The following STPG2 variants were observed in gnomAD, a reference collection of about 807,000 sequenced individuals.
The protein encoded by STPG2 is sperm-tail PG-rich repeat-containing protein 2.
A neutral mutation model predicts 54.2 loss-of-function variants in STPG2; 56 were observed. The ratio of observed to expected loss-of-function variants is 1.03; its 90% confidence interval spans 0.83 to 1.29. The LOEUF (loss-of-function observed/expected upper bound fraction) is 1.29, where lower values mean the gene tolerates loss of function less well. Among genes scored for constraint, STPG2 ranks in the 50% most tolerant of loss-of-function variants. The probability of loss-of-function intolerance (pLI) is 0.00; values close to 1 mark genes in which losing one functional copy is unlikely to be tolerated. For synonymous variants in STPG2, 200 were observed against 181.8 expected, an observed-to-expected ratio of 1.10 and a Z score of -0.81; for missense variants, 596 against 544.9, an observed-to-expected ratio of 1.09 and a Z score of -0.93.
intron 8 of STPG2, among the ~76,000 whole-genome samples, chr4:97,899,005 C>G (rs1393440384): frequency 3.3e-5 from 5 of 151,416 alleles, no homozygotes; most frequent in Non-Finnish European, 7.4e-5. Flanking sequence ...AAAGGGCATC[C>G]AAAAGGAACA....
At chr4:97,495,445 G>GTT (rs1408984234) in intron 4 of STPG2, among the ~76,000 whole-genome samples, 1 of 151,104 alleles carries the variant, frequency 6.6e-6, no homozygotes, top group Non-Finnish European at 1.5e-5. Flanking sequence ...TATAGTATTC[G>GTT]TTTTTATGTG....
intron 5 of STPG2, 70 bp from the exon 6 acceptor site, chr4:97,981,388 T>A: frequency 6.7e-7 from 1 of 1,497,332 alleles, no homozygotes; most frequent in South Asian, 1.3e-5. Flanking sequence ...AGTTAAAACC[T>A]GCCTTTTGAG....
chr4:97,544,513 AG>A (rs1731793322), intron 4 of STPG2, among the ~76,000 whole-genome samples: 1 of 152,106 alleles, frequency 6.6e-6, no homozygotes, highest in Non-Finnish European at 1.5e-5. Flanking sequence ...GTTATAAGGA[AG>A]GGAATTGTGT....
chr4:98,055,581 C>G (rs1279837376), intron 5 of STPG2, among the ~76,000 whole-genome samples: 1 of 152,182 alleles, frequency 6.6e-6, no homozygotes, highest in Admixed American at 6.5e-5. Context: ...CTACTATGGA[C>G]ACTTGAGGTG....
chr4:97,901,039 C>A (rs751973503), intron 8 of STPG2, among the ~76,000 whole-genome samples: 3 of 151,844 alleles, frequency 2.0e-5, no homozygotes, highest in Non-Finnish European at 4.4e-5. Context: ...ATTGCAAGTT[C>A]AAGATTTTAA....
intron 5 of STPG2, among the ~76,000 whole-genome samples, chr4:98,024,067 G>A (rs191083736): frequency 1.3e-5 from 2 of 152,184 alleles, no homozygotes; most frequent in Non-Finnish European, 2.9e-5. Context: ...GCACTCCCTA[G>A]TGAGATGAAC....
intron 4 of STPG2, among the ~76,000 whole-genome samples, chr4:97,530,486 T>A (rs1007518688): frequency 2.6e-5 from 4 of 151,904 alleles, no homozygotes; most frequent in Admixed American, 1.3e-4. Context: ...GAAATTTTGT[T>A]TGAAAACCAA....
At position 97,940,097 on chromosome 4, in the gene STPG2, A is replaced by AT. The variant is rs533978108; in HGVS notation, c.1044+3799dup. ...CTGGATATAAAATTCTTGGTTGAAG[A>AT]TTTTTTCTTTAAGAAAGTTGAATAT... On this transcript the variant is annotated intron_variant, in intron 8 of 10. Coordinates refer to ENST00000295268, the MANE Select transcript of STPG2 (RefSeq NM_174952.3). Among the ~76,000 whole-genome samples, 291 of 152,132 alleles carry AT rather than the reference A, an allele frequency of 1.9e-3. 1 individual carries two copies. The highest frequency in any genetic ancestry group is 6.7e-3 in the African/African-American group (278 of 41,506).
At chr4:97,468,572 C>G (rs1729844288) in intron 4 of STPG2, among the ~76,000 whole-genome samples, 2 of 151,992 alleles carry the variant, frequency 1.3e-5, no homozygotes, top group South Asian at 4.1e-4. Context: ...CGCTCTGTAT[C>G]TGGCACCTTC....
rs555230402 is a variant in STPG2 at position 97,586,318 on chromosome 4, G to C, written c.1321-27201C>G. 4.1e-3 allele frequency among the ~76,000 whole-genome samples: 625 copies of C among 151,676 alleles called. 3 individuals carry two copies. The highest frequency in any genetic ancestry group is 0.02 in the South Asian group (98 of 4,808). Reference sequence around the variant, plus strand: ...TACTGAAAAAAGAACAAAGTCTAAGGGACCCAAGAGACTATATAATAATAA... The same window carrying C: ...TACTGAAAAAAGAACAAAGTCTAAGCGACCCAAGAGACTATATAATAATAA... On this transcript the variant is annotated intron_variant, in intron 10 of 10. Coordinates refer to ENST00000295268, the MANE Select transcript of STPG2 (RefSeq NM_174952.3).
chr4:98,101,147 T>A (rs1364384201), intron 5 of STPG2, among the ~76,000 whole-genome samples: 7 of 152,190 alleles, frequency 4.6e-5, no homozygotes, highest in Admixed American at 6.5e-5. Flanking sequence ...TATTGAAAAT[T>A]CTGCAGCACT....
chr4:97,750,755 A>C (rs1725559208), intron 9 of STPG2, among the ~76,000 whole-genome samples: 1 of 151,826 alleles, frequency 6.6e-6, no homozygotes, highest in South Asian at 2.1e-4. Context: ...AGCAGAAAAG[A>C]AGCAGAGAGA....
intron 8 of STPG2, among the ~76,000 whole-genome samples, chr4:97,879,760 G>C (rs572160289): frequency 1.0e-3 from 152 of 152,124 alleles, no homozygotes; most frequent in Middle Eastern, 3.4e-3. Context: ...ACACAATAGG[G>C]TATCATCTCA....
chr4:97,578,035 C>T (rs764491477), intron 10 of STPG2, among the ~76,000 whole-genome samples: 3 of 151,812 alleles, frequency 2.0e-5, no homozygotes, highest in African/African-American at 7.3e-5. Context: ...GAATATAACA[C>T]GCCTCCTGTT....
chr4:98,135,682 T>C (rs932575323), intron 1 of STPG2, among the ~76,000 whole-genome samples: 8 of 151,074 alleles, frequency 5.3e-5, no homozygotes, highest in Admixed American at 5.3e-4. Flanking sequence ...GAGGGAAAGG[T>C]AAAAGGAAGG....
At chr4:97,592,476 T>C (rs1338319675) in intron 10 of STPG2, among the ~76,000 whole-genome samples, 1 of 151,132 alleles carries the variant, frequency 6.6e-6, no homozygotes, top group Non-Finnish European at 1.5e-5. Flanking sequence ...TAATCAAATC[T>C]CTTTTTTATA....
At chr4:97,725,239 A>T (rs1206959769) in intron 9 of STPG2, among the ~76,000 whole-genome samples, 1 of 151,988 alleles carries the variant, frequency 6.6e-6, no homozygotes, top group Non-Finnish European at 1.5e-5. Context: ...ACCTACACAG[A>T]GTTGCAAGTC....
At chr4:97,776,272 C>T (rs1726372951) in intron 9 of STPG2, among the ~76,000 whole-genome samples, 1 of 152,088 alleles carries the variant, frequency 6.6e-6, no homozygotes, top group African/African-American at 2.4e-5. Context: ...CTAATAGTAT[C>T]ATGAAATTTT....
intron 9 of STPG2, among the ~76,000 whole-genome samples, chr4:97,750,362 C>G (rs932621666): frequency 1.3e-5 from 2 of 151,804 alleles, no homozygotes; most frequent in Non-Finnish European, 2.9e-5. Context: ...TTCTAGAAAA[C>G]TCATCTCTTC....
Sources: allele counts gnomAD v4.1 joint callset (sites outside exome capture counted in the v4.1 genomes callset), GRCh38; gene constraint gnomAD v4.1.1; transcripts MANE v1.5; gene names NCBI Gene and HGNC (gene_info 2026-07-23, HGNC 2026-07-21).